Variants in PTPRQ observed in about 807,000 individuals in gnomAD.
The protein encoded by PTPRQ is phosphatidylinositol phosphatase PTPRQ.
A neutral mutation model predicts 246.0 loss-of-function variants in PTPRQ; 199 were observed. The ratio of observed to expected loss-of-function variants is 0.81; its 90% CI spans 0.72 to 0.91. PTPRQ has a LOEUF of 0.91. Ranked by LOEUF, PTPRQ falls within the 40% of genes least tolerant of loss-of-function variation. The probability of loss-of-function intolerance (pLI) is 0.00; values close to 1 mark genes in which losing one functional copy is unlikely to be tolerated. For synonymous variants in PTPRQ, 869 were observed against 853.2 expected (o/e 1.02, Z -0.32); for missense variants, 2,624 against 2,528.4 (o/e 1.04, Z -0.81).
At chr12:80,491,216 T>C (rs991656226) in intron 9 of PTPRQ, among the ~76,000 whole-genome samples, 1 of 151,946 alleles carries the variant, frequency 6.6e-6, no homozygotes, top group African/African-American at 2.4e-5. Flanking sequence ...AGAGATTTAA[T>C]GCAAAACCAT....
intron 25 of PTPRQ, among the ~76,000 whole-genome samples, chr12:80,578,357 A>T (rs1377729215): frequency 6.6e-6 from 1 of 151,458 alleles, no homozygotes; most frequent in African/African-American, 2.4e-5. Flanking sequence ...CCCATCCCAA[A>T]AAATCAGAAT....
At chr12:80,475,232 C>T (rs570672014) in intron 8 of PTPRQ, among the ~76,000 whole-genome samples, 109 of 151,894 alleles carry the variant, frequency 7.2e-4, no homozygotes, top group African/African-American at 2.6e-3. Context: ...TATATTAACT[C>T]GAGAATAATT....
At chr12:80,495,589 A>G (rs1894592009) in intron 12 of PTPRQ, among the ~76,000 whole-genome samples, 1 of 152,042 alleles carries the variant, frequency 6.6e-6, no homozygotes, top group Non-Finnish European at 1.5e-5. Context: ...ACAATGAAGT[A>G]AAAAGCATCA....
At chr12:80,590,666 C>CAAAA (rs35640802) in intron 26 of PTPRQ, among the ~76,000 whole-genome samples, 13 of 57,808 alleles carry the variant, frequency 2.2e-4, no homozygotes, top group East Asian at 6.1e-4. Flanking sequence ...GACTCCGTCT[C>CAAAA]AAAAAAAAAA....
chr12:80,563,014 C>T (rs1467084009), intron 25 of PTPRQ, among the ~76,000 whole-genome samples: 1 of 151,936 alleles, frequency 6.6e-6, no homozygotes, highest in Non-Finnish European at 1.5e-5. Flanking sequence ...ACTGATTCTT[C>T]AGGAAACACA....
At chr12:80,571,778 A>T (rs1376766641) in intron 25 of PTPRQ, among the ~76,000 whole-genome samples, 1 of 152,056 alleles carries the variant, frequency 6.6e-6, no homozygotes, top group Non-Finnish European at 1.5e-5. Context: ...ACTTTTATTT[A>T]TAATAAATAA....
At chr12:80,538,124 G>A (rs114113334) in intron 19 of PTPRQ, among the ~76,000 whole-genome samples, 1,911 of 151,986 alleles carry the variant, frequency 0.013, 32 homozygotes, top group African/African-American at 0.041. Context: ...AAAAAAAAGT[G>A]TTAAATGAAT....
At chr12:80,503,852 A>T (rs1241511213) in intron 14 of PTPRQ, among the ~76,000 whole-genome samples, 1 of 151,492 alleles carries the variant, frequency 6.6e-6, no homozygotes, top group Non-Finnish European at 1.5e-5. Context: ...ATATGTTTTT[A>T]GTTTGCTACT....
intron 38 of PTPRQ, among the ~76,000 whole-genome samples, chr12:80,654,035 T>C (rs28725260): frequency 4.0e-5 from 6 of 151,630 alleles, no homozygotes; most frequent in Admixed American, 1.3e-4. Flanking sequence ...TTCTTTCTTT[T>C]TTTTCTTTCT....
In PTPRQ at chr12:80,483,800, G is replaced by A. The variant is rs145848246; in HGVS notation, c.1187-633G>A. 5.9e-3 allele frequency among the ~76,000 whole-genome samples: 884 copies of A among 150,828 alleles called. 10 individuals carry two copies. The highest frequency in any genetic ancestry group is 0.021 in the African/African-American group (858 of 41,138). ...CTCCCTGTGTCCATGTGTTCTCATT[G>A]TTCAGCTCCCTCTTATGAGTGTGAA... On this transcript the variant is annotated intron_variant, in intron 8 of 44. Coordinates refer to ENST00000644991, the MANE Select transcript of PTPRQ (RefSeq NM_001145026.2).
In PTPRQ at chr12:80,619,419, T is replaced by G; in HGVS notation, c.5266T>G (p.Tyr1756Asp). The G allele has an allele frequency of 1.3e-6, 2 of 1,548,038 alleles. No individual in the cohort carries two copies. Among genetic ancestry groups the G allele is most frequent in the South Asian group, 2.4e-5 (2 of 83,844 alleles). ...ACCAAAAACCAAACCAACCCCTATT[T>G]ATGATGCCACAGGAAAACTGCTTGT... Reference protein sequence around the residue: ...ARPKTKPTPIYDATGKLLVTS... With the variant: ...ARPKTKPTPIDDATGKLLVTS... The change falls in exon 31 of 45, where the codon TAT (tyrosine) becomes GAT (aspartate). Residue 1756 changes from tyrosine to aspartate, a missense_variant. Tyr to Asp is a radical substitution (Grantham distance 160). Coordinates refer to ENST00000644991, the MANE Select transcript of PTPRQ (RefSeq NM_001145026.2).
intron 14 of PTPRQ, among the ~76,000 whole-genome samples, chr12:80,501,170 C>T (rs535184355): frequency 1.1e-4 from 16 of 151,866 alleles, no homozygotes; most frequent in African/African-American, 3.4e-4. Context: ...ACAGATGAGG[C>T]GAGAGGCAGA....
At chr12:80,492,861 T>C (rs1894490418) in intron 9 of PTPRQ, among the ~76,000 whole-genome samples, 1 of 152,024 alleles carries the variant, frequency 6.6e-6, no homozygotes, top group Admixed American at 6.6e-5. Context: ...ATGTATGGTA[T>C]ACAAATGAGG....
At chr12:80,453,199 C>A (rs1249249287) in intron 3 of PTPRQ, among the ~76,000 whole-genome samples, 1 of 152,178 alleles carries the variant, frequency 6.6e-6, no homozygotes, top group Non-Finnish European at 1.5e-5. Flanking sequence ...GTTTTCGAGC[C>A]TTGGCTTTCA....
intron 17 of PTPRQ, among the ~76,000 whole-genome samples, chr12:80,521,971 G>A (rs1051368030): frequency 6.6e-6 from 1 of 152,068 alleles, no homozygotes; most frequent in Non-Finnish European, 1.5e-5. Flanking sequence ...CCATTTTCAC[G>A]ATATTGATTC....
chr12:80,585,569 T>G (rs1040921522), intron 25 of PTPRQ, among the ~76,000 whole-genome samples: 1 of 152,294 alleles, frequency 6.6e-6, no homozygotes, highest in African/African-American at 2.4e-5. Flanking sequence ...TCTAGTGTCA[T>G]GTACTGGTAG....
chr12:80,524,071 A>C (rs151170804), intron 17 of PTPRQ, among the ~76,000 whole-genome samples: 2 of 152,214 alleles, frequency 1.3e-5, no homozygotes, highest in Non-Finnish European at 2.9e-5. Flanking sequence ...GTATATATTT[A>C]GGATCGATAG....
chr12:80,461,882 G>C (rs868328340), intron 6 of PTPRQ: 1 of 144,340 alleles, frequency 6.9e-6, no homozygotes, highest in Admixed American at 6.9e-5. Context: ...ATTTCGGGGG[G>C]AGCCAAGATG....
At chr12:80,455,990 C>T (rs1248838973) in intron 3 of PTPRQ, among the ~76,000 whole-genome samples, 1 of 152,028 alleles carries the variant, frequency 6.6e-6, no homozygotes, top group Non-Finnish European at 1.5e-5. Flanking sequence ...TAAATTAGGC[C>T]ACAGGAAAAT....
Sources: gnomAD v4.1 joint callset for allele counts (sites outside exome capture counted in the v4.1 genomes callset) on GRCh38, gnomAD v4.1.1 for gene constraint, MANE v1.5 for transcripts, NCBI Gene and HGNC (gene_info 2026-07-23, HGNC 2026-07-21) for gene names.